BUB1B: variants seen among roughly 807,000 people sequenced by gnomAD.
BUB1B encodes BUB1 mitotic checkpoint serine/threonine kinase B, also known as mitotic checkpoint serine/threonine-protein kinase BUB1 beta.
A neutral mutation model predicts 137.7 loss-of-function variants in BUB1B; 86 were observed. The ratio of observed to expected loss-of-function variants is 0.62; its 90% CI spans 0.52 to 0.75. The LOEUF (loss-of-function observed/expected upper bound fraction) is 0.75, where lower values mean the gene tolerates loss of function less well. BUB1B is among the 30% of genes least tolerant of loss of function. BUB1B has a pLI of 0.00. For missense variants in BUB1B, 1,130 were observed against 1,236.9 expected (o/e 0.91, Z 1.30); for synonymous variants, 420 against 417.9 (o/e 1.00, Z -0.06).
intron 15 of BUB1B, among the ~76,000 whole-genome samples, chr15:40,207,161 A>G (rs1035223973): frequency 6.6e-6 from 1 of 152,212 alleles, no homozygotes; most frequent in Non-Finnish European, 1.5e-5. Context: ...TTAAAAAACT[A>G]TCTTTTGATA....
intron 12 of BUB1B, among the ~76,000 whole-genome samples, chr15:40,201,919 A>T (rs1388112534): frequency 6.6e-6 from 1 of 151,942 alleles, no homozygotes; most frequent in Non-Finnish European, 1.5e-5. Context: ...TCCGCCCACC[A>T]TGGCCTCCCA....
chr15:40,213,707 T>TA, intron 20 of BUB1B, among the ~76,000 whole-genome samples: 1 of 152,208 alleles, frequency 6.6e-6, no homozygotes, highest in East Asian at 1.9e-4. Flanking sequence ...GGCTAATTTT[T>TA]TGTATTTTTT....
chr15:40,197,488 A>G (rs1010772961), intron 9 of BUB1B, among the ~76,000 whole-genome samples: 3 of 152,120 alleles, frequency 2.0e-5, no homozygotes, highest in Admixed American at 1.3e-4. Context: ...GGGTACAGAA[A>G]ATGAGGTAGG....
chr15:40,209,593 T>C (rs759329656), intron 16 of BUB1B, 42 bp from the exon 17 acceptor site: 4 of 1,610,262 alleles, frequency 2.5e-6, no homozygotes, highest in African/African-American at 1.3e-5. Flanking sequence ...AGCATTAGGG[T>C]TTTTTTGGTG....
In BUB1B at chr15:40,177,148, T is replaced by C. The variant is rs1034049381; in HGVS notation, c.581+475T>C. Among the ~76,000 whole-genome samples, 5 of 152,364 alleles carry C rather than the reference T, an allele frequency of 3.3e-5. No individual in the cohort carries two copies. The South Asian group carries it at 1.0e-3, about 32-fold the overall frequency. Reference sequence around the variant, plus strand: ...GTATAAGCCTTTGTCAGATATGTGATTTGAAAATATTTTCTCTCAGCTTAA... The same window carrying C: ...GTATAAGCCTTTGTCAGATATGTGACTTGAAAATATTTTCTCTCAGCTTAA... On this transcript the variant is annotated intron_variant, in intron 5 of 22. Transcript: ENST00000287598.
intron 14 of BUB1B, among the ~76,000 whole-genome samples, chr15:40,204,922 G>A (rs960007960): frequency 6.7e-6 from 1 of 148,374 alleles, no homozygotes. Flanking sequence ...TTACAGGTGT[G>A]AGCAAATGTA....
intron 4 of BUB1B, chr15:40,173,891 T>C (rs762091810): frequency 2.5e-5 from 10 of 393,974 alleles, no homozygotes; most frequent in African/African-American, 4.3e-5. Flanking sequence ...TGCAGAAGGA[T>C]TTCTCCAGTC....
At chr15:40,189,675 G>T (rs187268179) in intron 8 of BUB1B, among the ~76,000 whole-genome samples, 1 of 152,108 alleles carries the variant, frequency 6.6e-6, no homozygotes, top group Non-Finnish European at 1.5e-5. Context: ...TGTGAATACC[G>T]TGTATACATT....
At chr15:40,216,085 A>G (rs998367266) in intron 20 of BUB1B, among the ~76,000 whole-genome samples, 13 of 152,158 alleles carry the variant, frequency 8.5e-5, no homozygotes, top group African/African-American at 2.7e-4. Context: ...ACCTTCATGC[A>G]TGCTTCTTTT....
chr15:40,214,066 G>T (rs768076230), intron 20 of BUB1B, among the ~76,000 whole-genome samples: 2 of 152,176 alleles, frequency 1.3e-5, no homozygotes, highest in Non-Finnish European at 1.5e-5. Flanking sequence ...GGAATATAAA[G>T]TGGATTGTTT....
intron 5 of BUB1B, among the ~76,000 whole-genome samples, chr15:40,180,415 G>A (rs907736147): frequency 2.0e-5 from 3 of 151,232 alleles, no homozygotes; most frequent in African/African-American, 4.9e-5. Context: ...ATAGGCATGC[G>A]CCACCACACC....
At chr15:40,215,362 C>T (rs1464671782) in intron 20 of BUB1B, among the ~76,000 whole-genome samples, 1 of 151,984 alleles carries the variant, frequency 6.6e-6, no homozygotes, top group Non-Finnish European at 1.5e-5. Context: ...ATCCCAGCTA[C>T]TTGGGAGGCT....
At chr15:40,180,200 T>C (rs1215424594) in intron 5 of BUB1B, among the ~76,000 whole-genome samples, 2 of 151,272 alleles carry the variant, frequency 1.3e-5, no homozygotes, top group African/African-American at 4.9e-5. Flanking sequence ...TCATCTTCTT[T>C]CCTGAAAAAT....
At chr15:40,219,539 G>A (rs976851458) in intron 22 of BUB1B, among the ~76,000 whole-genome samples, 3 of 152,046 alleles carry the variant, frequency 2.0e-5, no homozygotes, top group Admixed American at 6.6e-5. Flanking sequence ...GCAACATGGC[G>A]AAACCTTGTC....
intron 16 of BUB1B, among the ~76,000 whole-genome samples, 164 bp downstream of exon 16, chr15:40,208,934 C>T (rs749072440): frequency 3.9e-5 from 6 of 152,186 alleles, no homozygotes; most frequent in Non-Finnish European, 8.8e-5. Context: ...CCTCCTACCT[C>T]AGCCTCCCGA....
chr15:40,217,691 A>G lies in BUB1B; in HGVS notation c.2850+24A>G, dbSNP rs764573738. 3 of 1,613,580 alleles carry G rather than the reference A, an allele frequency of 1.9e-6. No individual in the cohort carries two copies. In the South Asian group the frequency reaches 3.3e-5, roughly 18 times the overall value. ...AGGTAAGTGTAAAACAAGCCTGAGC[A>G]AATATGGAGAGGGTTTCTTAATCTC... On this transcript the variant is annotated intron_variant, in intron 21 of 22. Transcript: ENST00000287598.
chr15:40,176,451 G>A (rs2037224359), intron 4 of BUB1B, 26 bp from the exon 5 acceptor site: 1 of 1,610,324 alleles, frequency 6.2e-7, no homozygotes, highest in East Asian at 2.2e-5. Context: ...GTAGAAATTG[G>A]TTAACTGTTA....
rs117988609 is a variant in BUB1B at position 40,199,392 on chromosome 15, T to A, written c.1289-223T>A. On this transcript the variant is annotated intron_variant, in intron 9 of 22. Transcript: ENST00000287598. ...TGGCACATAGTAGGTATTCAATGTT[T>A]TTTTCCTTTTAGTAGAAACCTGTGT... 3.3e-3 allele frequency among the ~76,000 whole-genome samples: 503 copies of A among 152,346 alleles called. 2 individuals carry two copies. Among genetic ancestry groups the A allele is most frequent in the Non-Finnish European group, 5.9e-3 (402 of 68,022 alleles).
At chr15:40,190,303 A>AT (rs994260385) in intron 8 of BUB1B, among the ~76,000 whole-genome samples, 8 of 151,534 alleles carry the variant, frequency 5.3e-5, no homozygotes, top group Admixed American at 3.3e-4. Flanking sequence ...TTTTTATTTT[A>AT]TTTTTTTTAG....
Sources: gnomAD v4.1 joint callset for allele counts (sites outside exome capture counted in the v4.1 genomes callset) on GRCh38, gnomAD v4.1.1 for gene constraint, MANE v1.5 for transcripts, NCBI Gene and HGNC (gene_info 2026-07-23, HGNC 2026-07-21) for gene names.